The following DLGAP2 variants were observed in gnomAD, a reference collection of about 807,000 sequenced individuals.
The protein encoded by DLGAP2 is DLG associated protein 2, also known as disks large-associated protein 2.
DLGAP2 carries 26 observed loss-of-function variants against 100.3 expected under a neutral mutation model. That is an observed-to-expected ratio of 0.26 (90% CI 0.19 to 0.36). The LOEUF is 0.36. Among genes scored for constraint, DLGAP2 ranks in the 10% least tolerant of loss-of-function variants. The pLI, the probability that DLGAP2 is intolerant of heterozygous loss-of-function variation, is 1.00. For missense variants in DLGAP2, 1,858 were observed against 1,453.2 expected (o/e 1.28, Z -4.53); for synonymous variants, 886 against 630.1 (o/e 1.41, Z -6.08).
At chr8:1,688,541 G>A (rs1238492731) in intron 12 of DLGAP2, 1 of 152,158 alleles carries the variant, frequency 6.6e-6, no homozygotes, top group South Asian at 2.1e-4. Context: ...GCAGGTAAAG[G>A]CCTCAGGAAG....
At chr8:1,097,702 T>C (rs11779559) in intron 2 of DLGAP2, among the ~76,000 whole-genome samples, 11,564 of 106,810 alleles carry the variant, frequency 0.11, 262 homozygotes, top group East Asian at 0.18. Flanking sequence ...TCTCCTCCAG[T>C]GTGAGACCCA....
At chr8:1,587,053 G>A (rs1221048727) in intron 6 of DLGAP2, among the ~76,000 whole-genome samples, 1 of 152,170 alleles carries the variant, frequency 6.6e-6, no homozygotes, top group Non-Finnish European at 1.5e-5. Context: ...GAGGGGCAAG[G>A]ATCCCACAGA....
chr8:1,049,950 A>G (rs1457299256), intron 2 of DLGAP2, among the ~76,000 whole-genome samples: 2 of 152,242 alleles, frequency 1.3e-5, no homozygotes, highest in African/African-American at 4.8e-5. Flanking sequence ...ATATATGCAC[A>G]CACATGCTGT....
At chr8:1,175,851 C>T (rs539263769) in intron 2 of DLGAP2, among the ~76,000 whole-genome samples, 1 of 152,310 alleles carries the variant, frequency 6.6e-6, no homozygotes, top group East Asian at 1.9e-4. Flanking sequence ...TTTACACAAA[C>T]CTAGATTAAA....
intron 6 of DLGAP2, among the ~76,000 whole-genome samples, chr8:1,571,683 C>T (rs1802694071): frequency 1.0e-5 from 1 of 98,088 alleles, no homozygotes. Context: ...ACTGTGGGGG[C>T]ATCTTCTGGG....
At chr8:775,333 C>G (rs892623235) in intron 1 of DLGAP2, among the ~76,000 whole-genome samples, 6 of 151,590 alleles carry the variant, frequency 4.0e-5, no homozygotes, top group African/African-American at 1.2e-4. Flanking sequence ...TAATTGAATA[C>G]CCTTTATTTC....
chr8:1,493,831 GCTT>G lies in DLGAP2; in HGVS notation c.107-7531_107-7529del, dbSNP rs148505882. On this transcript the variant is annotated intron_variant, in intron 3 of 14. Coordinates refer to ENST00000637795, the MANE Select transcript of DLGAP2 (RefSeq NM_001346810.2). ...GAAGGGGTGGACGCGGCACGACCCTGCTTCTTACCCTGATTCTTCCTAGGCAGT... is the reference window on the plus strand; with the variant it reads ...GAAGGGGTGGACGCGGCACGACCCTGCTTACCCTGATTCTTCCTAGGCAGT... Among the ~76,000 whole-genome samples the G allele has an allele frequency of 2.8e-3, 429 of 152,332 alleles. 1 individual carries two copies. The highest frequency in any genetic ancestry group is 9.9e-3 in the African/African-American group (412 of 41,570).
chr8:1,110,014 G>C (rs1476267431), intron 2 of DLGAP2, among the ~76,000 whole-genome samples: 4 of 137,900 alleles, frequency 2.9e-5, no homozygotes, highest in East Asian at 2.3e-4. Context: ...GACATGTGCT[G>C]GGTCTGTGAG....
chr8:870,062 A>G (rs1797568853), intron 1 of DLGAP2, among the ~76,000 whole-genome samples: 1 of 151,612 alleles, frequency 6.6e-6, no homozygotes, highest in Non-Finnish European at 1.5e-5. Flanking sequence ...TCGTCTTTTC[A>G]TTTCTTATTG....
chr8:877,116 C>T (rs1436046288), intron 1 of DLGAP2, among the ~76,000 whole-genome samples: 3 of 151,818 alleles, frequency 2.0e-5, no homozygotes, highest in Non-Finnish European at 2.9e-5. Context: ...TCTAATAAAC[C>T]TGGCCTCTGG....
At chr8:1,697,008 A>G (rs1255606987) in intron 13 of DLGAP2, 139 bp from the exon 14 acceptor site, 8 of 912,402 alleles carry the variant, frequency 8.8e-6, no homozygotes, top group Non-Finnish European at 1.1e-5. Flanking sequence ...GGCCTTCCCA[A>G]GTATCTGCCT....
intron 2 of DLGAP2, among the ~76,000 whole-genome samples, chr8:1,206,792 G>C (rs1365288990): frequency 1.3e-5 from 2 of 152,150 alleles, no homozygotes; most frequent in South Asian, 4.1e-4. Flanking sequence ...ACCATTCTTT[G>C]TCTGCACCTG....
At chr8:756,936 C>T (rs766705187) in intron 1 of DLGAP2, among the ~76,000 whole-genome samples, 3 of 152,202 alleles carry the variant, frequency 2.0e-5, no homozygotes, top group Non-Finnish European at 2.9e-5. Context: ...TTTCCCCTTT[C>T]TGGCTCTCGA....
chr8:1,686,107 G>A (rs1799108378), intron 12 of DLGAP2, among the ~76,000 whole-genome samples: 1 of 152,122 alleles, frequency 6.6e-6, no homozygotes. Flanking sequence ...TATGTCAAAG[G>A]GATTTCTGCA....
intron 2 of DLGAP2, among the ~76,000 whole-genome samples, chr8:1,186,050 C>T (rs761981120): frequency 1.5e-4 from 23 of 152,300 alleles, no homozygotes; most frequent in Non-Finnish European, 1.9e-4. Flanking sequence ...TGTGGCAATG[C>T]GGGCTCTGGA....
At chr8:1,622,984 T>G (rs1003681340) in intron 6 of DLGAP2, among the ~76,000 whole-genome samples, 9 of 152,226 alleles carry the variant, frequency 5.9e-5, no homozygotes, top group African/African-American at 2.2e-4. Flanking sequence ...TGGCTCCCCC[T>G]AGTCCTAGTT....
chr8:1,663,110 G>A (rs1376394735), intron 8 of DLGAP2, among the ~76,000 whole-genome samples: 2 of 123,632 alleles, frequency 1.6e-5, no homozygotes, highest in Non-Finnish European at 3.3e-5. Flanking sequence ...GTGTGCCTGT[G>A]TGTACACAGT....
chr8:1,701,172 TTGCGC>T lies in DLGAP2; in HGVS notation c.2950-12_2950-8del. On this transcript the variant is annotated splice_polypyrimidine_tract_variant and intron_variant, in intron 14 of 14. Coordinates refer to ENST00000637795, the MANE Select transcript of DLGAP2 (RefSeq NM_001346810.2). The stretch of plus-strand genomic sequence containing the variant: ...CCTCCGAGCACCTGCCAACGGTGAC[TTGCGC>T]TGCTTTTCAGGAAGAAAGAAAGGTC... 1.9e-6 allele frequency: 3 copies of T among 1,551,340 alleles called. No individual in the cohort carries two copies. The highest frequency in any genetic ancestry group is 2.6e-6 in the Non-Finnish European group (3 of 1,148,080).
At chr8:1,323,552 C>G (rs953179859) in intron 3 of DLGAP2, among the ~76,000 whole-genome samples, 2 of 152,198 alleles carry the variant, frequency 1.3e-5, no homozygotes, top group African/African-American at 4.8e-5. Flanking sequence ...AGCAATGGCT[C>G]CTGCTGAACC....
Sources: gnomAD v4.1 joint callset for allele counts (sites outside exome capture counted in the v4.1 genomes callset) on GRCh38, gnomAD v4.1.1 for gene constraint, MANE v1.5 for transcripts, NCBI Gene and HGNC (gene_info 2026-07-23, HGNC 2026-07-21) for gene names.